PPA1: variants seen among roughly 807,000 people sequenced by gnomAD.
PPA1 encodes inorganic pyrophosphatase.
PPA1 carries 23 observed loss-of-function variants against 41.8 expected under a neutral mutation model. That is an observed-to-expected ratio of 0.55 (90% CI 0.40 to 0.78). The LOEUF (loss-of-function observed/expected upper bound fraction) is 0.78, where lower values mean the gene tolerates loss of function less well. Ranked by LOEUF, PPA1 falls within the 30% of genes least tolerant of loss-of-function variation. PPA1 has a pLI of 0.00. For missense variants in PPA1, 320 were observed against 361.6 expected (o/e 0.89, Z 0.93); for synonymous variants, 101 against 116.8 (o/e 0.86, Z 0.87).
Position 70,208,824 on chromosome 10 carries a change from G to A in PPA1, c.725+381C>T, listed in dbSNP as rs1334501516. ...TTTTTTTTTTTTGAGACCGAGTCTC[G>A]CTCTGTCGCCCAGGCTGGAGTACAG... is the stretch of plus-strand genomic sequence containing the variant. On this transcript the variant is annotated intron_variant, in intron 8 of 10. Coordinates refer to ENST00000373232, the MANE Select transcript of PPA1 (RefSeq NM_021129.4). Among the ~76,000 whole-genome samples the A allele has an allele frequency of 1.1e-4, 16 of 143,192 alleles. No homozygotes were observed. In the South Asian group the frequency reaches 2.2e-3, roughly 19 times the overall value. 93.9% of individuals were successfully genotyped at this position (143,192 alleles called of 152,430 possible).
chr10:70,204,805 TA>T, intron 10 of PPA1, 67 bp downstream of exon 10: 12 of 1,269,154 alleles, frequency 9.5e-6, no homozygotes, highest in Non-Finnish European at 1.3e-5. Flanking sequence ...CAACTAAAAA[TA>T]AAAGTAACAT....
At chr10:70,232,439 C>CA (rs975697283) in intron 1 of PPA1, among the ~76,000 whole-genome samples, 3 of 152,074 alleles carry the variant, frequency 2.0e-5, no homozygotes, top group African/African-American at 4.8e-5. Context: ...CCTACAAGGC[C>CA]AAAAAAACGT....
intron 10 of PPA1, chr10:70,203,527 C>A: frequency 4.6e-6 from 1 of 217,694 alleles, no homozygotes; most frequent in Non-Finnish European, 9.1e-6. Context: ...CCTCAGTCTC[C>A]CCAGCAGCTG....
At chr10:70,214,421 C>T (rs1840055016) in intron 5 of PPA1, 79 bp downstream of exon 5, 3 of 1,126,628 alleles carry the variant, frequency 2.7e-6, no homozygotes, top group Non-Finnish European at 3.9e-6. Flanking sequence ...ATTTTATTCA[C>T]AGTATTTTTT....
In PPA1 at chr10:70,221,045, ATATATATATAATT is replaced by A. The variant is rs1419405009; in HGVS notation, c.124-2241_124-2229del. Among the ~76,000 whole-genome samples the A allele has an allele frequency of 1.5e-4, 10 of 64,624 alleles. No individual in the cohort carries two copies. The South Asian group carries it at 2.2e-3, about 14-fold the overall frequency. The allele number at this position is 64,624 out of a possible 152,430, so 42.4% of individuals were successfully genotyped here. ...TATATATAATATATATATAAATTAT[ATATATATATAATT>A]TATATATATATATATATATTTTTTT... is the stretch of plus-strand genomic sequence containing the variant. On this transcript the variant is annotated intron_variant, in intron 2 of 10. Transcript: ENST00000373232.
chr10:70,206,273 A>G lies in PPA1; in HGVS notation c.786T>C (p.Ile262=), dbSNP rs761077888. The change falls in exon 9 of 11, where the codon ATT becomes ATC. Residue 262 remains isoleucine, a synonymous_variant. Transcript: ENST00000373232. The part of the protein sequence containing the change: ...FKCDPDAARA[I]VDALPPPCES... ...GGAAACTTTTACATACAGCATCCAC[A>G]ATGGCTCTGGCAGCATCAGGATCAC... 1 of 1,612,788 alleles carries G rather than the reference A, an allele frequency of 6.2e-7. No homozygotes were observed. The highest frequency in any genetic ancestry group is 1.3e-5 in the African/African-American group (1 of 74,992).
At chr10:70,213,401 G>T in intron 6 of PPA1, 62 bp downstream of exon 6, 1 of 1,582,418 alleles carries the variant, frequency 6.3e-7, no homozygotes, top group Non-Finnish European at 8.6e-7. Context: ...GTCATTATAG[G>T]TTAAGTATGG....
At chr10:70,209,777 AT>A in intron 6 of PPA1, 92 bp from the exon 7 acceptor site, 1 of 1,386,614 alleles carries the variant, frequency 7.2e-7, no homozygotes, top group Non-Finnish European at 1.0e-6. Context: ...ACAAATAATT[AT>A]ACACTCAACA....
chr10:70,222,504 A>G (rs1267896539), intron 2 of PPA1, among the ~76,000 whole-genome samples: 8 of 152,100 alleles, frequency 5.3e-5, no homozygotes, highest in Non-Finnish European at 1.0e-4. Flanking sequence ...GAACAAAATA[A>G]AAGTTCTTTT....
At chr10:70,215,982 T>C (rs1840076363) in intron 4 of PPA1, among the ~76,000 whole-genome samples, 2 of 152,174 alleles carry the variant, frequency 1.3e-5, no homozygotes, top group African/African-American at 4.8e-5. Flanking sequence ...AGCTGTTGCA[T>C]TGGTTCTTTT....
At position 70,206,323 on chromosome 10, in the gene PPA1, T is replaced by A. The variant is rs758535236; in HGVS notation, c.736A>T (p.Thr246Ser). 6.2e-7 allele frequency: 1 copy of A among 1,611,842 alleles called. No individual in the cohort carries two copies. The highest frequency in any genetic ancestry group is 1.7e-5 in the Admixed American group (1 of 60,004). ...CACTTGAAGGGGCTCTCAGACAAAG[T>A]TGTATTCATGCTATTAAATAAAACA... is the stretch of plus-strand genomic sequence containing the variant. ...NGKGISCMNT[T>S]LSESPFKCDP... Residue 246 changes from threonine to serine, a missense_variant, in exon 9 of 11, where the codon ACT (threonine) becomes TCT (serine). Coordinates refer to ENST00000373232, the MANE Select transcript of PPA1 (RefSeq NM_021129.4).
At chr10:70,208,254 G>A (rs899073348) in intron 8 of PPA1, among the ~76,000 whole-genome samples, 2 of 152,072 alleles carry the variant, frequency 1.3e-5, no homozygotes, top group African/African-American at 4.8e-5. Context: ...TTGCTGACCT[G>A]TTATTTAACA....
chr10:70,207,892 A>G (rs1426596127), intron 8 of PPA1, among the ~76,000 whole-genome samples: 3 of 151,520 alleles, frequency 2.0e-5, no homozygotes, highest in Admixed American at 6.6e-5. Flanking sequence ...TATGTGCCCA[A>G]TTAGAAATAT....
At chr10:70,221,078 T>TA (rs1564584674) in intron 2 of PPA1, among the ~76,000 whole-genome samples, 233 of 9,934 alleles carry the variant, frequency 0.023, 23 homozygotes, top group African/African-American at 0.043. Context: ...ATATATATAT[T>TA]TTTTTTTTTT....
At chr10:70,206,213 A>C (rs1407168595) in intron 9 of PPA1, 51 bp downstream of exon 9, 24 of 1,405,956 alleles carry the variant, frequency 1.7e-5, no homozygotes, top group Non-Finnish European at 2.4e-5. Flanking sequence ...ATTTAGCATC[A>C]TAGTTTTTAG....
At chr10:70,214,440 A>C in intron 5 of PPA1, 60 bp downstream of exon 5, 1 of 1,361,260 alleles carries the variant, frequency 7.3e-7, no homozygotes, top group Non-Finnish European at 1.0e-6. Context: ...TTAAAGTATG[A>C]AATTTGGTAT....
At chr10:70,215,532 G>C (rs1171373014) in intron 4 of PPA1, among the ~76,000 whole-genome samples, 3 of 151,756 alleles carry the variant, frequency 2.0e-5, no homozygotes, top group Non-Finnish European at 4.4e-5. Flanking sequence ...ACTGGATGGA[G>C]TGCAGTGGCG....
chr10:70,220,846 T>C (rs57021512), intron 2 of PPA1, among the ~76,000 whole-genome samples: 4 of 39,862 alleles, frequency 1.0e-4, no homozygotes, highest in African/African-American at 1.5e-4. Flanking sequence ...TTTATATATA[T>C]TATATATATA....
chr10:70,220,693 TTA>T (rs1243528643), intron 2 of PPA1, among the ~76,000 whole-genome samples: 171 of 5,058 alleles, frequency 0.034, 39 homozygotes, highest in African/African-American at 0.16. Flanking sequence ...TATATATAAT[TTA>T]TATATATATA....
Sources: allele counts gnomAD v4.1 joint callset (sites outside exome capture counted in the v4.1 genomes callset), GRCh38; gene constraint gnomAD v4.1.1; transcripts MANE v1.5; gene names NCBI Gene and HGNC (gene_info 2026-07-23, HGNC 2026-07-21).